The following DTNA variants were observed in gnomAD, a reference collection of about 807,000 sequenced individuals.
The protein encoded by DTNA is dystrobrevin alpha.
DTNA carries 43 observed loss-of-function variants against 100.7 expected under a neutral mutation model. The ratio of observed to expected loss-of-function variants is 0.43; its 90% confidence interval spans 0.33 to 0.55. The LOEUF is 0.55. Among genes scored for constraint, DTNA ranks in the 20% least tolerant of loss-of-function variants. The probability of loss-of-function intolerance (pLI) is 0.04; values close to 1 mark genes in which losing one functional copy is unlikely to be tolerated. For synonymous variants in DTNA, 349 were observed against 347.9 expected, an observed-to-expected ratio of 1.00 and a Z score of -0.04; for missense variants, 798 against 953.9, an observed-to-expected ratio of 0.84 and a Z score of 2.15.
Position 34,700,743 on chromosome 18 carries a change from T to C in DTNA, c.-1-55233T>C, listed in dbSNP as rs190451549. ...CTATCCTACTATTTCTATAGTCAGC[T>C]CACACTCCTCCTCTGCATGGTGACT... On this transcript the variant is annotated intron_variant, in intron 1 of 19. Transcript: ENST00000283365. Among the ~76,000 whole-genome samples, 4 of 152,340 alleles carry C rather than the reference T, an allele frequency of 2.6e-5. No individual in the cohort carries two copies. In the East Asian group the frequency reaches 5.8e-4, roughly 22 times the overall value.
At chr18:34,829,222 C>T (rs959840249) in intron 10 of DTNA, 178 bp from the exon 11 acceptor site, 162 of 1,552,382 alleles carry the variant, frequency 1.0e-4, no homozygotes, top group Non-Finnish European at 1.4e-4. Context: ...CTCTGTGAAC[C>T]ACAGTTGTGT....
intron 1 of DTNA, among the ~76,000 whole-genome samples, chr18:34,682,198 C>A (rs562052888): frequency 6.4e-4 from 97 of 152,138 alleles, no homozygotes; most frequent in African/African-American, 2.2e-3. Flanking sequence ...TATCTATTAA[C>A]CTATTGGAGG....
chr18:34,788,623 AAACC>A (rs1193122273), intron 3 of DTNA, among the ~76,000 whole-genome samples: 1 of 152,196 alleles, frequency 6.6e-6, no homozygotes, highest in Admixed American at 6.5e-5. Context: ...AGTTTCCATG[AAACC>A]TTTGTGAAAG....
At chr18:34,752,352 A>T (rs1227760113) in intron 1 of DTNA, among the ~76,000 whole-genome samples, 1 of 152,244 alleles carries the variant, frequency 6.6e-6, no homozygotes, top group Non-Finnish European at 1.5e-5. Context: ...ACAGAATGAC[A>T]TGCTCTTCTC....
intron 1 of DTNA, among the ~76,000 whole-genome samples, chr18:34,604,363 C>T (rs563080675): frequency 6.6e-6 from 1 of 152,242 alleles, no homozygotes; most frequent in Non-Finnish European, 1.5e-5. Context: ...CTGTGGGTAG[C>T]ATAAATTCTT....
chr18:34,566,229 T>C (rs754872242), intron 1 of DTNA, among the ~76,000 whole-genome samples: 1 of 147,710 alleles, frequency 6.8e-6, no homozygotes, highest in Non-Finnish European at 1.5e-5. Flanking sequence ...GGAAAAACAA[T>C]AGGGAAACCA....
chr18:34,610,143 G>C (rs16965643), intron 1 of DTNA, among the ~76,000 whole-genome samples: 6 of 152,124 alleles, frequency 3.9e-5, no homozygotes, highest in Non-Finnish European at 8.8e-5. Flanking sequence ...TAAACAATAA[G>C]GTCATGCCTG....
intron 1 of DTNA, among the ~76,000 whole-genome samples, chr18:34,507,651 A>T (rs2040620639): frequency 6.6e-6 from 1 of 152,170 alleles, no homozygotes; most frequent in South Asian, 2.1e-4. Context: ...CAACCTTGAA[A>T]TTCTCACTCT....
chr18:34,890,118 A>T lies in DTNA; in HGVS notation c.*2384A>T. On this transcript the variant is annotated 3_prime_UTR_variant, in exon 23 of 23. Transcript: ENST00000444659. Reference sequence around the variant, plus strand: ...GTTGTTTCTTTGTGTTTCTACATCAAAATGTTCGTCTAAGATTTGAACTGT... The same window carrying T: ...GTTGTTTCTTTGTGTTTCTACATCATAATGTTCGTCTAAGATTTGAACTGT... 1 of 1,402,772 alleles carries T rather than the reference A, an allele frequency of 7.1e-7. No homozygotes were observed. The highest frequency in any genetic ancestry group is 9.2e-7 in the Non-Finnish European group (1 of 1,083,448). The allele number at this position is 1,402,772 out of a possible 1,614,324, so 86.9% of individuals were successfully genotyped here.
chr18:34,881,462 T>C (rs1314366139), intron 20 of DTNA, among the ~76,000 whole-genome samples: 1 of 143,772 alleles, frequency 7.0e-6, no homozygotes, highest in Non-Finnish European at 1.5e-5. Flanking sequence ...TTTTTTTTTT[T>C]CAGATTTAGA....
chr18:34,711,614 T>A (rs570792795), intron 1 of DTNA, among the ~76,000 whole-genome samples: 1 of 152,314 alleles, frequency 6.6e-6, no homozygotes, highest in African/African-American at 2.4e-5. Context: ...TTGGCACTAA[T>A]TAGGATAAAA....
intron 3 of DTNA, among the ~76,000 whole-genome samples, chr18:34,774,344 C>T (rs1390904897): frequency 6.6e-6 from 1 of 152,214 alleles, no homozygotes; most frequent in Admixed American, 6.5e-5. Context: ...CCCAGGATCT[C>T]AGGACTCCAG....
In DTNA at chr18:34,711,567, C is replaced by T. The variant is rs183314436; in HGVS notation, c.-2+1122C>T. ...TATAGGAAAATCTTTTTGAAAAATA[C>T]TTTCTTAGTGAACTAAAATCAATTA... On this transcript the variant is annotated intron_variant, in intron 1 of 22. Coordinates refer to ENST00000444659, the MANE Select transcript of DTNA (RefSeq NM_001386795.1). 3.5e-3 allele frequency among the ~76,000 whole-genome samples: 531 copies of T among 152,264 alleles called. 2 individuals are homozygous for T. The highest frequency in any genetic ancestry group is 5.9e-3 in the Admixed American group (90 of 15,288).
At chr18:34,757,412 T>C (rs193046017) in intron 2 of DTNA, 5 of 152,240 alleles carry the variant, frequency 3.3e-5, no homozygotes, top group African/African-American at 1.2e-4. Flanking sequence ...CAATGTCTTC[T>C]CAGACACAGT....
At chr18:34,745,518 C>A (rs1038395801) in intron 1 of DTNA, among the ~76,000 whole-genome samples, 1 of 152,152 alleles carries the variant, frequency 6.6e-6, no homozygotes, top group Non-Finnish European at 1.5e-5. Flanking sequence ...TCCTAAAACA[C>A]GTGGGATTTT....
chr18:34,749,633 T>A (rs1035571202), intron 1 of DTNA, among the ~76,000 whole-genome samples: 1 of 105,190 alleles, frequency 9.5e-6, no homozygotes, highest in Non-Finnish European at 1.9e-5. Context: ...CTCATGCACC[T>A]CTCTCCAAAA....
intron 1 of DTNA, among the ~76,000 whole-genome samples, chr18:34,555,948 C>T (rs533338861): frequency 6.6e-6 from 1 of 150,998 alleles, no homozygotes; most frequent in Admixed American, 6.6e-5. Context: ...TCTCGTTGAT[C>T]TGTCTAATGT....
intron 3 of DTNA, among the ~76,000 whole-genome samples, chr18:34,782,954 T>C (rs184295608): frequency 3.2e-4 from 48 of 152,308 alleles, no homozygotes; most frequent in Admixed American, 7.2e-4. Context: ...CACTAGAATG[T>C]AGGGAATGAT....
chr18:34,737,437 G>C (rs993495929), intron 1 of DTNA, among the ~76,000 whole-genome samples: 42 of 152,234 alleles, frequency 2.8e-4, no homozygotes, highest in African/African-American at 9.6e-4. Flanking sequence ...AAGCCATAAG[G>C]CTACAAATGA....
Sources: gnomAD v4.1 joint callset for allele counts (sites outside exome capture counted in the v4.1 genomes callset) on GRCh38, gnomAD v4.1.1 for gene constraint, MANE v1.5 for transcripts, NCBI Gene and HGNC (gene_info 2026-07-23, HGNC 2026-07-21) for gene names.